Variants in CRYZ observed in about 807,000 individuals in gnomAD.
The protein encoded by CRYZ is crystallin zeta, also known as zeta-crystallin.
CRYZ carries 35 observed loss-of-function variants against 34.1 expected under a neutral mutation model. The observed-to-expected ratio is 1.03, with a 90% CI of 0.78 to 1.36. The LOEUF is 1.36. CRYZ is among the 40% of genes most tolerant of loss of function. CRYZ has a pLI of 0.00. For missense variants in CRYZ, 403 were observed against 391.8 expected (o/e 1.03, Z -0.24); for synonymous variants, 137 against 136.5 (o/e 1.00, Z -0.03).
chr1:74,706,916 G>C lies in CRYZ; in HGVS notation c.811C>G (p.Leu271Val). 1 of 1,612,700 alleles carries C rather than the reference G, an allele frequency of 6.2e-7. No homozygotes were observed. ...TTTCCTACCTTGGTTGAGGAAAAGA[G>C]AGTAACTCCAATTATACTCGACTCC... ...AKESSIIGVT[L>V]FSSTKEEFQQ... The change falls in exon 8 of 9, where the codon CTC (leucine) becomes GTC (valine). Residue 271 changes from leucine to valine, a missense_variant. Leu to Val is a conservative substitution (Grantham distance 32, BLOSUM62 1). Coordinates refer to ENST00000340866, the MANE Select transcript of CRYZ (RefSeq NM_001889.4).
intron 1 of CRYZ, among the ~76,000 whole-genome samples, chr1:74,732,156 G>A (rs1343869856): frequency 6.7e-6 from 1 of 148,530 alleles, no homozygotes; most frequent in Non-Finnish European, 1.5e-5. Context: ...GCTGGGCTGT[G>A]GGAAGGAGCC....
intron 4 of CRYZ, among the ~76,000 whole-genome samples, chr1:74,717,492 T>C (rs1160198056): frequency 6.6e-6 from 1 of 152,196 alleles, no homozygotes. Context: ...CTGGCCTCCC[T>C]CCTTAGTATC....
chr1:74,732,513 G>A (rs1054968398), intron 1 of CRYZ, among the ~76,000 whole-genome samples: 4 of 151,844 alleles, frequency 2.6e-5, no homozygotes, highest in African/African-American at 9.7e-5. Flanking sequence ...TGTGGGAAGG[G>A]GCCCTGGACA....
At chr1:74,715,066 T>C (rs1419950817) in intron 4 of CRYZ, among the ~76,000 whole-genome samples, 1 of 152,152 alleles carries the variant, frequency 6.6e-6, no homozygotes, top group Non-Finnish European at 1.5e-5. Flanking sequence ...GTAAACACAG[T>C]AGCTATTTTT....
At chr1:74,709,578 A>T (rs3753190) in intron 6 of CRYZ, among the ~76,000 whole-genome samples, 1 of 152,040 alleles carries the variant, frequency 6.6e-6, no homozygotes, top group Non-Finnish European at 1.5e-5. Context: ...CAAGTGAAGA[A>T]CTTCAGAATC....
rs773785864 is a variant in CRYZ, at chr1:74,706,909, GAA to G, written c.816_817del (p.Ser273LeufsTer40). The G allele has an allele frequency of 8.7e-6, 14 of 1,612,216 alleles. No homozygotes were observed. Among genetic ancestry groups the G allele is most frequent in the South Asian group, 1.1e-5 (1 of 90,970 alleles). On this transcript the variant is annotated frameshift_variant, in exon 8 of 9. Transcript: ENST00000340866. LOFTEE classifies it high-confidence loss of function. ...TACTTCTTTTCCTACCTTGGTTGAG[GAA>G]AAGAGAGTAACTCCAATTATACTCG...
intron 1 of CRYZ, among the ~76,000 whole-genome samples, chr1:74,727,824 T>C (rs1039058617): frequency 3.3e-5 from 5 of 152,004 alleles, no homozygotes; most frequent in African/African-American, 1.2e-4. Context: ...CAAATGATAT[T>C]ACCCAGCTTT....
chr1:74,728,174 C>T (rs933396080), intron 1 of CRYZ, among the ~76,000 whole-genome samples: 1 of 152,118 alleles, frequency 6.6e-6, no homozygotes, highest in Admixed American at 6.5e-5. Flanking sequence ...AAACACTTGG[C>T]TTTATGTAGT....
chr1:74,724,849 A>C lies in CRYZ; in HGVS notation c.-13-15T>G. 1 of 1,425,048 alleles carries C rather than the reference A, an allele frequency of 7.0e-7. No homozygotes were observed. The highest frequency in any genetic ancestry group is 1.2e-5 in the South Asian group (1 of 85,134). The allele number at this position is 1,425,048 out of a possible 1,614,324, so 88.3% of individuals were successfully genotyped here. Reference sequence around the variant, plus strand: ...TGATCTAGATACTAAGGAAGAAAAAAAATTAATGTATTGTCACATTGTATC... The same window carrying C: ...TGATCTAGATACTAAGGAAGAAAAACAATTAATGTATTGTCACATTGTATC... On this transcript the variant is annotated splice_polypyrimidine_tract_variant and intron_variant, in intron 1 of 8. Transcript: ENST00000340866.
chr1:74,717,185 T>A (rs762532231), intron 4 of CRYZ, among the ~76,000 whole-genome samples: 1 of 152,158 alleles, frequency 6.6e-6, no homozygotes, highest in Non-Finnish European at 1.5e-5. Context: ...TCTTGCCTTA[T>A]GCAGATCTTA....
intron 5 of CRYZ, 64 bp from the exon 6 acceptor site, chr1:74,710,311 T>C: frequency 6.8e-7 from 1 of 1,479,402 alleles, no homozygotes; most frequent in Non-Finnish European, 9.2e-7. Context: ...CTTAAATACA[T>C]ACAATGAACT....
At chr1:74,727,666 A>AC (rs1290557068) in intron 1 of CRYZ, among the ~76,000 whole-genome samples, 1 of 149,874 alleles carries the variant, frequency 6.7e-6, no homozygotes, top group Non-Finnish European at 1.5e-5. Flanking sequence ...AAAAAAAAAA[A>AC]ACCCAACAGA....
rs1258767514 is a variant in CRYZ at position 74,706,258 on chromosome 1, C to T, written c.*38G>A. The T allele has an allele frequency of 4.6e-6, 7 of 1,535,446 alleles. No individual in the cohort carries two copies. Among genetic ancestry groups the T allele is most frequent in the Non-Finnish European group, 6.2e-6 (7 of 1,133,208 alleles). On this transcript the variant is annotated 3_prime_UTR_variant, in exon 9 of 9. Coordinates refer to ENST00000340866, the MANE Select transcript of CRYZ (RefSeq NM_001889.4). ...AAGTACAACTGGGGGAAAGACAGTA[C>T]CTCTAATTACATAGGAAATCCATGA... is the stretch of plus-strand genomic sequence containing the variant.
chr1:74,709,062 C>A (rs535379724), intron 6 of CRYZ, among the ~76,000 whole-genome samples: 2 of 152,096 alleles, frequency 1.3e-5, no homozygotes, highest in East Asian at 3.9e-4. Context: ...GGGCTATAAG[C>A]AAAACTGCAG....
In CRYZ at chr1:74,714,709, T is replaced by G. The variant is rs1481886381; in HGVS notation, c.429-79A>C. On this transcript the variant is annotated intron_variant, in intron 4 of 8. Transcript: ENST00000340866. ...CGGGTGTTTTCATCATCTTAAGGAA[T>G]TTCTACCCCTAGTCTGGCTAACACT... 3 of 1,448,230 alleles carry G rather than the reference T, an allele frequency of 2.1e-6. No homozygotes were observed. The East Asian group carries it at 6.9e-5, about 34-fold the overall frequency. 89.7% of individuals were successfully genotyped at this position (1,448,230 alleles called of 1,614,324 possible). A position where few individuals can be genotyped will look rare whatever the true frequency, so the allele number is the denominator to read the frequency against.
At chr1:74,711,141 C>T (rs571631788) in intron 5 of CRYZ, among the ~76,000 whole-genome samples, 2 of 152,062 alleles carry the variant, frequency 1.3e-5, no homozygotes, top group East Asian at 1.9e-4. Context: ...CAGGGAGGGG[C>T]GTGTACGAAA....
intron 1 of CRYZ, among the ~76,000 whole-genome samples, chr1:74,727,999 T>C (rs980762108): frequency 1.3e-5 from 2 of 152,232 alleles, no homozygotes; most frequent in East Asian, 1.9e-4. Context: ...TTAAACAATA[T>C]GTGTTATTGT....
Position 74,733,010 on chromosome 1 carries a change from A to G in CRYZ, c.-68T>C. On this transcript the variant is annotated 5_prime_UTR_variant, in exon 1 of 9. Transcript: ENST00000340866. ...GTGGGCTTCTTCAGATTCCACAGAA[A>G]TGAGGACTGCCACACCTTCTCCAAC... 1.8e-6 allele frequency: 1 copy of G among 553,802 alleles called. No homozygotes were observed. Among genetic ancestry groups the G allele is most frequent in the Non-Finnish European group, 3.2e-6 (1 of 317,374 alleles). 34.3% of individuals were successfully genotyped at this position (553,802 alleles called of 1,614,324 possible).
chr1:74,724,973 G>A (rs1284122652), intron 1 of CRYZ, 139 bp from the exon 2 acceptor site: 4 of 554,010 alleles, frequency 7.2e-6, no homozygotes, highest in Non-Finnish European at 1.3e-5. Context: ...CTCATTTCAT[G>A]TTTAAGGACC....
Sources: gnomAD v4.1 joint callset for allele counts (sites outside exome capture counted in the v4.1 genomes callset) on GRCh38, gnomAD v4.1.1 for gene constraint, MANE v1.5 for transcripts, NCBI Gene and HGNC (gene_info 2026-07-23, HGNC 2026-07-21) for gene names.